Variants in TBC1D19 observed in about 807,000 individuals in gnomAD.
The protein encoded by TBC1D19 is TBC1 domain family member 19.
TBC1D19 carries 60 observed loss-of-function variants against 89.0 expected under a neutral mutation model. That is an observed-to-expected ratio of 0.67 (90% CI 0.55 to 0.84). The LOEUF is 0.84. Among genes scored for constraint, TBC1D19 ranks in the 40% least tolerant of loss-of-function variants. TBC1D19 has a pLI of 0.00. For synonymous variants in TBC1D19, 189 were observed against 199.7 expected, an observed-to-expected ratio of 0.95 and a Z score of 0.45; for missense variants, 500 against 610.8, an observed-to-expected ratio of 0.82 and a Z score of 1.91.
At chr4:26,583,729 C>T (rs115709329), upstream of TBC1D19, among the ~76,000 whole-genome samples, 3 of 152,248 alleles carry the variant, frequency 2.0e-5, no homozygotes, top group East Asian at 1.9e-4. Flanking sequence ...AACACGTTTA[C>T]GCAGGTAGTG....
Position 26,715,017 on chromosome 4 carries a change from A to G in TBC1D19, c.955-2916A>G, listed in dbSNP as rs145249766. The stretch of plus-strand genomic sequence containing the variant: ...TTCTCTAGTTACACTCACTCACTTG[A>G]TGATTCCACCAAGCTCACCTATTTT... On this transcript the variant is annotated intron_variant, in intron 13 of 20. Coordinates refer to ENST00000264866, the MANE Select transcript of TBC1D19 (RefSeq NM_018317.4). 4.0e-3 allele frequency among the ~76,000 whole-genome samples: 609 copies of G among 152,040 alleles called. 2 individuals are homozygous for G. The highest frequency in any genetic ancestry group is 0.026 in the South Asian group (127 of 4,820).
At chr4:26,807,344 A>C in the TBC1D19 span, among the ~76,000 whole-genome samples, 1 of 152,150 alleles carries the variant, frequency 6.6e-6, no homozygotes, top group Non-Finnish European at 1.5e-5. Context: ...GGCCTTTCAC[A>C]ATGAAAGCCG....
intron 15 of TBC1D19, among the ~76,000 whole-genome samples, chr4:26,726,892 T>C (rs779554379): frequency 1.3e-5 from 2 of 152,250 alleles, no homozygotes; most frequent in Non-Finnish European, 2.9e-5. Context: ...ACTATTTATA[T>C]CTCATCTAGT....
intron 1 of TBC1D19, among the ~76,000 whole-genome samples, chr4:26,601,095 C>CT (rs1002511059): frequency 3.1e-4 from 47 of 151,224 alleles, no homozygotes; most frequent in Middle Eastern, 3.4e-3. Flanking sequence ...TCTGTTTTAG[C>CT]TTTTTGTTTA....
chr4:26,657,168 G>A (rs562147431), intron 7 of TBC1D19, among the ~76,000 whole-genome samples: 87 of 151,578 alleles, frequency 5.7e-4, no homozygotes, highest in African/African-American at 1.9e-3. Context: ...CATGTGCCAT[G>A]GTGGTTTGCT....
the TBC1D19 span, among the ~76,000 whole-genome samples, chr4:26,784,308 C>G: frequency 6.6e-6 from 1 of 152,162 alleles, no homozygotes; most frequent in Non-Finnish European, 1.5e-5. Context: ...AATTGAGTCT[C>G]CTAGTAAAGA....
intron 4 of TBC1D19, among the ~76,000 whole-genome samples, chr4:26,630,136 T>G (rs1577835737): frequency 6.6e-6 from 1 of 151,842 alleles, no homozygotes; most frequent in East Asian, 1.9e-4. Flanking sequence ...AATGCTATAC[T>G]AATTTAAAAA....
intron 1 of TBC1D19, among the ~76,000 whole-genome samples, chr4:26,597,890 T>C (rs1452994757): frequency 2.0e-5 from 3 of 152,164 alleles, no homozygotes; most frequent in Admixed American, 6.5e-5. Context: ...TGTACTGTTC[T>C]TTAGGTAGCT....
In TBC1D19 at chr4:26,735,592, A is replaced by G. The variant is rs538912491; in HGVS notation, c.1117+105A>G. On this transcript the variant is annotated intron_variant, in intron 16 of 20. Coordinates refer to ENST00000264866, the MANE Select transcript of TBC1D19 (RefSeq NM_018317.4). Reference sequence around the variant, plus strand: ...GATATAATTGTTTTACTATAGTAAAACAATAAAGGAAAAAATAAAGTGAAA... The same window carrying G: ...GATATAATTGTTTTACTATAGTAAAGCAATAAAGGAAAAAATAAAGTGAAA... The G allele has an allele frequency of 1.2e-4, 126 of 1,057,580 alleles. 1 individual carries two copies. The African/African-American group carries it at 1.9e-3, about 16-fold the overall frequency. 65.5% of individuals were successfully genotyped at this position (1,057,580 alleles called of 1,614,324 possible).
At chr4:26,727,993 T>C (rs912081068) in intron 15 of TBC1D19, among the ~76,000 whole-genome samples, 1 of 152,178 alleles carries the variant, frequency 6.6e-6, no homozygotes, top group African/African-American at 2.4e-5. Flanking sequence ...TTGGGGGAAA[T>C]GTAGTAAAAG....
chr4:26,739,723 G>GA, intron 16 of TBC1D19, 141 bp from the exon 17 acceptor site: 3 of 455,926 alleles, frequency 6.6e-6, no homozygotes, highest in Admixed American at 4.3e-5. Flanking sequence ...CTCTCAAAAT[G>GA]AAAAAAAGTA....
chr4:26,787,588 G>C, the TBC1D19 span, among the ~76,000 whole-genome samples: 1 of 152,174 alleles, frequency 6.6e-6, no homozygotes, highest in Admixed American at 6.5e-5. Context: ...TGGTGTCACT[G>C]AGGGGGCTCC....
At chr4:26,659,784 A>G in intron 8 of TBC1D19, 77 bp downstream of exon 8, 1 of 841,408 alleles carries the variant, frequency 1.2e-6, no homozygotes, top group East Asian at 2.6e-5. Flanking sequence ...GCATGTATGT[A>G]AAGCAATAGG....
At position 26,620,666 on chromosome 4, in the gene TBC1D19, T is replaced by C. The variant is rs770276986; in HGVS notation, c.272T>C (p.Leu91Ser). ...CCTCCTGAACATCTTAAAGAACCTT[T>C]GGTATACATGAGGAAAGCACAGGTT... The part of the protein sequence containing the change: ...AAPPEHLKEP[L>S]VYMRKAQGSW... Residue 91 changes from leucine to serine, a missense_variant, in exon 4 of 21, where the codon TTG becomes TCG. Coordinates refer to ENST00000264866, the MANE Select transcript of TBC1D19 (RefSeq NM_018317.4). 1.2e-6 allele frequency: 2 copies of C among 1,613,798 alleles called. No homozygotes were observed. Among genetic ancestry groups the C allele is most frequent in the South Asian group, 2.2e-5 (2 of 91,030 alleles).
chr4:26,685,142 A>C (rs1456187276), intron 12 of TBC1D19, among the ~76,000 whole-genome samples: 5 of 152,200 alleles, frequency 3.3e-5, no homozygotes, highest in Non-Finnish European at 5.9e-5. Context: ...AATGTATAAA[A>C]ATAATAAAAC....
intron 17 of TBC1D19, chr4:26,741,058 A>T: frequency 1.2e-6 from 1 of 808,680 alleles, no homozygotes; most frequent in South Asian, 5.6e-5. Flanking sequence ...AATAATTAAG[A>T]TTAATAATTC....
intron 13 of TBC1D19, among the ~76,000 whole-genome samples, chr4:26,697,303 T>G (rs1289364778): frequency 6.6e-6 from 1 of 150,794 alleles, no homozygotes; most frequent in Non-Finnish European, 1.5e-5. Flanking sequence ...CAAGGAGAGA[T>G]TCAACCAGGA....
chr4:26,718,691 C>A (rs1716794194), intron 14 of TBC1D19, among the ~76,000 whole-genome samples: 1 of 152,040 alleles, frequency 6.6e-6, no homozygotes, highest in African/African-American at 2.4e-5. Context: ...CTAGGAGAGG[C>A]CACATAACCT....
chr4:26,778,107 G>A, the TBC1D19 span, among the ~76,000 whole-genome samples: 1 of 150,898 alleles, frequency 6.6e-6, no homozygotes, highest in Non-Finnish European at 1.5e-5. Context: ...GGGGTGTGGA[G>A]GGAGAGAGAG....
Sources: allele counts gnomAD v4.1 joint callset (sites outside exome capture counted in the v4.1 genomes callset), GRCh38; gene constraint gnomAD v4.1.1; transcripts MANE v1.5; gene names NCBI Gene and HGNC (gene_info 2026-07-23, HGNC 2026-07-21).